The following PARD3 variants were observed in gnomAD, a reference collection of about 807,000 sequenced individuals.
The protein encoded by PARD3 is par-3 family cell polarity regulator.
PARD3 carries 75 observed loss-of-function variants against 155.4 expected under a neutral mutation model. The observed-to-expected ratio is 0.48, with a 90% CI of 0.40 to 0.58. PARD3 has a LOEUF of 0.58. PARD3 is among the 20% of genes least tolerant of loss of function. The probability of loss-of-function intolerance (pLI) is 0.00; values close to 1 mark genes in which losing one functional copy is unlikely to be tolerated. For missense variants in PARD3, 1,642 were observed against 1,721.7 expected (o/e 0.95, Z 0.82); for synonymous variants, 576 against 610.5 (o/e 0.94, Z 0.83).
chr10:34,324,661 G>C (rs1217126984), intron 19 of PARD3, among the ~76,000 whole-genome samples: 1 of 152,168 alleles, frequency 6.6e-6, no homozygotes, highest in Non-Finnish European at 1.5e-5. Flanking sequence ...TAAGGGGTGA[G>C]ATTAGATTAC....
intron 1 of PARD3, among the ~76,000 whole-genome samples, chr10:34,754,067 G>A (rs1836400442): frequency 6.6e-6 from 1 of 151,920 alleles, no homozygotes; most frequent in African/African-American, 2.4e-5. Context: ...CAGGCTGGAG[G>A]TGCACTGATG....
Position 34,377,240 on chromosome 10 carries a change from G to A in PARD3, c.1539+727C>T, listed in dbSNP as rs1303852147. Among the ~76,000 whole-genome samples, 7 of 152,120 alleles carry A rather than the reference G, an allele frequency of 4.6e-5. No homozygotes were observed. In the East Asian group the frequency reaches 5.8e-4, roughly 13 times the overall value. ...CATAAATATAAAGCCATTTAGAAAC[G>A]TAACCTTACAGACATTTTATATGAC... On this transcript the variant is annotated intron_variant, in intron 10 of 24. Transcript: ENST00000374788.
chr10:34,732,431 T>C (rs2094835467), intron 1 of PARD3, among the ~76,000 whole-genome samples: 1 of 152,202 alleles, frequency 6.6e-6, no homozygotes, highest in Admixed American at 6.5e-5. Context: ...GTGCAATGAC[T>C]GACACTTATA....
chr10:34,347,895 CA>C, intron 15 of PARD3, 69 bp downstream of exon 15: 1 of 1,256,096 alleles, frequency 8.0e-7, no homozygotes, highest in Non-Finnish European at 1.1e-6. Flanking sequence ...AATATTACAC[CA>C]ATAACCTCTC....
chr10:34,612,946 A>G (rs2091017227), intron 2 of PARD3, among the ~76,000 whole-genome samples: 2 of 152,232 alleles, frequency 1.3e-5, no homozygotes, highest in Non-Finnish European at 2.9e-5. Flanking sequence ...TTCAATAAAA[A>G]TTAATCTTTT....
At chr10:34,590,184 A>G (rs1166545229) in intron 2 of PARD3, among the ~76,000 whole-genome samples, 1 of 152,156 alleles carries the variant, frequency 6.6e-6, no homozygotes, top group Non-Finnish European at 1.5e-5. Flanking sequence ...CTGTTCACCA[A>G]CCACTCTTCA....
intron 5 of PARD3, among the ~76,000 whole-genome samples, chr10:34,438,705 A>G (rs934541529): frequency 3.3e-5 from 5 of 152,244 alleles, no homozygotes; most frequent in Admixed American, 6.5e-5. Flanking sequence ...CAAAACAGAC[A>G]GAAAGATAAA....
Position 34,747,068 on chromosome 10 carries a change from T to C in PARD3, c.121-50649A>G, listed in dbSNP as rs1427291823. 3.9e-5 allele frequency among the ~76,000 whole-genome samples: 6 copies of C among 152,222 alleles called. No individual in the cohort carries two copies. The East Asian group carries it at 1.2e-3, about 29-fold the overall frequency. Reference sequence around the variant, plus strand: ...CCCTGCTTATCATGGAAACCAAGTATCTTCAATTAAAGATATTTGCTTCTG... The same window carrying C: ...CCCTGCTTATCATGGAAACCAAGTACCTTCAATTAAAGATATTTGCTTCTG... On this transcript the variant is annotated intron_variant, in intron 1 of 24. Transcript: ENST00000374788.
Position 34,382,803 on chromosome 10 carries a change from G to A in PARD3, c.1136C>T (p.Ser379Leu), listed in dbSNP as rs780276159. ...LSQSEKNNYY[S>L]SRFSPDSQYI... ...CTGGCTGTCAGGGCTAAAACGGCTT[G>A]AATAGTAATTGTTCTTCTCACTTTG... The change falls in exon 9 of 25, where the codon TCA becomes TTA. Residue 379 changes from serine to leucine, a missense_variant. Around this residue, in one of 3 missense-constraint regions of PARD3, gnomAD observed 1,529 missense variants for 1,587.3 expected, o/e 0.96. Coordinates refer to ENST00000374788, the MANE Select transcript of PARD3 (RefSeq NM_001184785.2). The A allele has an allele frequency of 6.2e-7, 1 of 1,612,294 alleles. No individual in the cohort carries two copies. Among genetic ancestry groups the A allele is most frequent in the Non-Finnish European group, 8.5e-7 (1 of 1,179,584 alleles).
intron 5 of PARD3, among the ~76,000 whole-genome samples, chr10:34,410,708 T>C (rs185386029): frequency 6.6e-6 from 1 of 152,344 alleles, no homozygotes; most frequent in Non-Finnish European, 1.5e-5. Flanking sequence ...CTCTTGCAAA[T>C]CTGCATGTCT....
intron 22 of PARD3, among the ~76,000 whole-genome samples, chr10:34,196,811 G>T (rs929752583): frequency 6.6e-5 from 10 of 151,976 alleles, no homozygotes; most frequent in African/African-American, 2.2e-4. Flanking sequence ...CTGACCTCAT[G>T]ATCCGCCCAC....
At chr10:34,714,430 G>A (rs565740198) in intron 1 of PARD3, among the ~76,000 whole-genome samples, 3 of 152,214 alleles carry the variant, frequency 2.0e-5, no homozygotes, top group South Asian at 4.1e-4. Context: ...ACTGCACCTC[G>A]TGGCATCTGT....
intron 2 of PARD3, among the ~76,000 whole-genome samples, chr10:34,545,930 G>A (rs2084009102): frequency 6.6e-6 from 1 of 152,056 alleles, no homozygotes; most frequent in Non-Finnish European, 1.5e-5. Flanking sequence ...GGCAAAACTA[G>A]GCACCAAAAC....
At position 34,347,841 on chromosome 10, in the gene PARD3, C is replaced by T. The variant is rs550521083; in HGVS notation, c.2218+124G>A. ...AACCTGTTCTCTTTTGTCTTGAAAA[C>T]ATTAATATTTTTATTTACATTAATA... On this transcript the variant is annotated intron_variant, in intron 15 of 24. Transcript: ENST00000374788. The T allele has an allele frequency of 1.8e-5, 12 of 674,384 alleles. No homozygotes were observed. In the South Asian group the frequency reaches 4.7e-4, roughly 27 times the overall value. 41.8% of individuals were successfully genotyped at this position (674,384 alleles called of 1,614,324 possible).
intron 22 of PARD3, among the ~76,000 whole-genome samples, chr10:34,212,606 T>C (rs1951806512): frequency 6.6e-6 from 1 of 151,004 alleles, no homozygotes; most frequent in Non-Finnish European, 1.5e-5. Flanking sequence ...GGACTGTACC[T>C]GGTGCGCCCT....
At chr10:34,233,973 C>A (rs1050170129) in intron 22 of PARD3, among the ~76,000 whole-genome samples, 1 of 152,152 alleles carries the variant, frequency 6.6e-6, no homozygotes, top group African/African-American at 2.4e-5. Flanking sequence ...TCTTCTACTT[C>A]CAACACCTGT....
intron 2 of PARD3, among the ~76,000 whole-genome samples, chr10:34,589,623 A>G (rs1362745925): frequency 1.5e-5 from 2 of 137,514 alleles, no homozygotes; most frequent in African/African-American, 2.9e-5. Context: ...CAAAACTAAT[A>G]TAAGTACATG....
chr10:34,209,260 T>C (rs1951624666), intron 22 of PARD3, among the ~76,000 whole-genome samples: 1 of 152,158 alleles, frequency 6.6e-6, no homozygotes, highest in Non-Finnish European at 1.5e-5. Context: ...TCACAGGAAA[T>C]TTCTCATCAA....
chr10:34,378,151 T>C, intron 9 of PARD3, 45 bp from the exon 10 acceptor site: 1 of 1,464,930 alleles, frequency 6.8e-7, no homozygotes, highest in Non-Finnish European at 9.3e-7. Flanking sequence ...TGAGATATCT[T>C]GAATTTTACA....
Sources: gnomAD v4.1 joint callset for allele counts (sites outside exome capture counted in the v4.1 genomes callset) on GRCh38, gnomAD v4.1.1 for gene constraint, gnomAD v4.1.1 regional missense constraint, MANE v1.5 for transcripts, NCBI Gene and HGNC (gene_info 2026-07-23, HGNC 2026-07-21) for gene names.